The following CYP3A5 variants were observed in gnomAD, a reference collection of about 807,000 sequenced individuals.
The protein encoded by CYP3A5 is cytochrome P450 family 3 subfamily A member 5.
CYP3A5 carries 51 observed loss-of-function variants against 55.9 expected under a neutral mutation model. That is an observed-to-expected ratio of 0.91 (90% CI 0.73 to 1.15). The LOEUF is 1.15. Among genes scored for constraint, CYP3A5 ranks in the 50% most tolerant of loss-of-function variants. CYP3A5 has a pLI of 0.00. For missense variants in CYP3A5, 533 were observed against 596.6 expected, an observed-to-expected ratio of 0.89 and a Z score of 1.11; for synonymous variants, 196 against 213.9, an observed-to-expected ratio of 0.92 and a Z score of 0.73.
intron 1 of CYP3A5, among the ~76,000 whole-genome samples, chr7:99,679,292 G>C (rs1206096380): frequency 6.6e-6 from 1 of 152,100 alleles, no homozygotes; most frequent in Non-Finnish European, 1.5e-5. Context: ...TGAAGTCTTG[G>C]TGTCCCCTGG....
chr7:99,677,333 C>A, intron 1 of CYP3A5: 1 of 778,310 alleles, frequency 1.3e-6, no homozygotes, highest in Non-Finnish European at 1.6e-6. Flanking sequence ...GAGAGGCAAA[C>A]TACAAAAATG....
chr7:99,679,093 C>T (rs1049657134), intron 1 of CYP3A5, among the ~76,000 whole-genome samples: 3 of 152,126 alleles, frequency 2.0e-5, no homozygotes, highest in African/African-American at 7.2e-5. Flanking sequence ...CTCCCAGAGA[C>T]GGGAGGAAAA....
intron 4 of CYP3A5, chr7:99,671,858 G>A: frequency 1.4e-6 from 1 of 702,950 alleles, no homozygotes; most frequent in Non-Finnish European, 2.6e-6. Context: ...GCATCTTGAT[G>A]GTGCTGGTCG....
chr7:99,676,949 C>T (rs956588749), intron 1 of CYP3A5, among the ~76,000 whole-genome samples: 7 of 152,076 alleles, frequency 4.6e-5, no homozygotes, highest in African/African-American at 1.7e-4. Flanking sequence ...TCCATATGTC[C>T]TTGAATGATT....
chr7:99,662,945 AAG>A lies in CYP3A5; in HGVS notation c.799-65_799-64del. ...ACTCGTGAAGTCAGAAGTAAATCAA[AAG>A]TGCAGTCCTCAACCTCCCTTCTTGA... On this transcript the variant is annotated intron_variant, in intron 8 of 12. Transcript: ENST00000222982. The surrounding 1 kb of genome is among the most constrained non-coding windows in gnomAD (Gnocchi z 4.3). 1 of 1,604,834 alleles carries A rather than the reference AAG, an allele frequency of 6.2e-7. No individual in the cohort carries two copies. Among genetic ancestry groups the A allele is most frequent in the African/African-American group, 1.3e-5 (1 of 74,832 alleles).
chr7:99,672,217 A>C (rs1811729930), intron 4 of CYP3A5, among the ~76,000 whole-genome samples: 1 of 151,934 alleles, frequency 6.6e-6, no homozygotes, highest in Non-Finnish European at 1.5e-5. Flanking sequence ...ACACGCAGCT[A>C]ATTTTTGTAT....
rs28371766 is a variant in CYP3A5, at chr7:99,679,821, C to T, written c.71+5G>A. On this transcript the variant is annotated splice_donor_5th_base_variant and intron_variant, in intron 1 of 12. Coordinates refer to ENST00000222982, the MANE Select transcript of CYP3A5 (RefSeq NM_000777.5). ...ACAAAGAGAGGAGTTTGGACAGTTACTCACAGATAGAGGAGCACCAGGCTG... is the reference window on the plus strand; with the variant it reads ...ACAAAGAGAGGAGTTTGGACAGTTATTCACAGATAGAGGAGCACCAGGCTG... The T allele has an allele frequency of 8.0e-4, 1,283 of 1,613,666 alleles. 1 individual carries two copies. Among genetic ancestry groups the T allele is most frequent in the Non-Finnish European group, 8.9e-4 (1,052 of 1,179,756 alleles).
In CYP3A5 at chr7:99,660,499, C is replaced by A; in HGVS notation, c.1026G>T (p.Lys342Asn). The change falls in exon 10 of 13, where the codon AAG becomes AAT. Residue 342 changes from lysine to asparagine, a missense_variant and splice_region_variant. Coordinates refer to ENST00000222982, the MANE Select transcript of CYP3A5 (RefSeq NM_000777.5). ...TCATCTCCAGGGGTCATCCCCTCACCTTATTGGGCAAAACTGCATCAATCT... is the reference window on the plus strand; with the variant it reads ...TCATCTCCAGGGGTCATCCCCTCACATTATTGGGCAAAACTGCATCAATCT... ...QKEIDAVLPN[K>N]APPTYDAVVQ... 6.2e-7 allele frequency: 1 copy of A among 1,609,616 alleles called. No homozygotes were observed. Among genetic ancestry groups the A allele is most frequent in the Non-Finnish European group, 8.5e-7 (1 of 1,177,910 alleles).
At chr7:99,655,463 G>C (rs922372496) in intron 10 of CYP3A5, among the ~76,000 whole-genome samples, 1 of 152,212 alleles carries the variant, frequency 6.6e-6, no homozygotes, top group African/African-American at 2.4e-5. Flanking sequence ...CCAGTACCAT[G>C]CTGTTTTGGT....
rs1388551778 is a variant in CYP3A5, at chr7:99,662,537, G to A, written c.865+279C>T. Reference sequence around the variant, plus strand: ...TCACTTGGTGGATCTGGAGGAGGCTGAGAACTGGCATTTGATCTCATGTAG... The same window carrying A: ...TCACTTGGTGGATCTGGAGGAGGCTAAGAACTGGCATTTGATCTCATGTAG... On this transcript the variant is annotated intron_variant, in intron 9 of 12. Transcript: ENST00000222982. This position sits in a 1 kb window ranked among gnomAD's most constrained non-coding sequence, Gnocchi z 4.3. Among the ~76,000 whole-genome samples the A allele has an allele frequency of 6.6e-6, 1 of 152,190 alleles. No homozygotes were observed. The highest frequency in any genetic ancestry group is 1.5e-5 in the Non-Finnish European group (1 of 68,036).
intron 11 of CYP3A5, among the ~76,000 whole-genome samples, 191 bp from the exon 12 acceptor site, chr7:99,650,423 A>G (rs1373819570): frequency 6.6e-6 from 1 of 152,180 alleles, no homozygotes; most frequent in African/African-American, 2.4e-5. Flanking sequence ...CAGGTCCTTT[A>G]AATTCTCCAT....
intron 5 of CYP3A5, 98 bp downstream of exon 5, chr7:99,666,854 A>T (rs966415061): frequency 1.0e-5 from 16 of 1,584,754 alleles, no homozygotes; most frequent in Non-Finnish European, 1.4e-5. Flanking sequence ...GCTCGAACTC[A>T]GTGGACTACC....
intron 6 of CYP3A5, 68 bp downstream of exon 6, chr7:99,666,533 C>T (rs564026994): frequency 2.0e-5 from 31 of 1,513,032 alleles, no homozygotes; most frequent in East Asian, 9.1e-5. Context: ...GTGCGACTGT[C>T]GACTCCATGG....
intron 11 of CYP3A5, among the ~76,000 whole-genome samples, chr7:99,651,582 C>T (rs963203134): frequency 2.6e-5 from 4 of 152,182 alleles, no homozygotes; most frequent in Admixed American, 1.3e-4. Flanking sequence ...CATGCTAGCA[C>T]TAGGGACACC....
chr7:99,664,216 A>C, intron 7 of CYP3A5, 121 bp from the exon 8 acceptor site: 1 of 894,902 alleles, frequency 1.1e-6, no homozygotes, highest in Non-Finnish European at 1.7e-6. Context: ...ACTGGAACCC[A>C]TTCCTTTTAT....
At chr7:99,671,808 A>G (rs1250831941) in intron 4 of CYP3A5, 3 of 702,942 alleles carry the variant, frequency 4.3e-6, no homozygotes, top group Non-Finnish European at 7.8e-6. Flanking sequence ...TTGTGACTGT[A>G]GGACAGCAGG....
At chr7:99,656,328 A>G (rs909184453) in intron 10 of CYP3A5, among the ~76,000 whole-genome samples, 4 of 152,180 alleles carry the variant, frequency 2.6e-5, no homozygotes, top group African/African-American at 9.7e-5. Flanking sequence ...TTCTGCATCT[A>G]TTGAGATAAT....
intron 1 of CYP3A5, among the ~76,000 whole-genome samples, chr7:99,678,780 T>A (rs1812537313): frequency 1.3e-5 from 2 of 152,250 alleles, no homozygotes; most frequent in African/African-American, 4.8e-5. Context: ...TGTGAAAGAA[T>A]TAAAATGAGG....
At position 99,672,785 on chromosome 7, in the gene CYP3A5, C is replaced by T. The variant is rs545514688; in HGVS notation, c.219-106G>A. 214 of 1,560,940 alleles carry T rather than the reference C, an allele frequency of 1.4e-4. 1 individual carries two copies. The South Asian group carries it at 2.5e-3, about 18-fold the overall frequency. On this transcript the variant is annotated intron_variant, in intron 3 of 12. Coordinates refer to ENST00000222982, the MANE Select transcript of CYP3A5 (RefSeq NM_000777.5). Reference sequence around the variant, plus strand: ...ATCATTATGTTATGTAATCCATACCCCTAGTTGTACGACACACAGCAACCT... The same window carrying T: ...ATCATTATGTTATGTAATCCATACCTCTAGTTGTACGACACACAGCAACCT...
Sources: gnomAD v4.1 joint callset for allele counts (sites outside exome capture counted in the v4.1 genomes callset) on GRCh38, gnomAD v4.1.1 for gene constraint, Gnocchi (gnomAD v3.1) non-coding constraint, MANE v1.5 for transcripts, NCBI Gene and HGNC (gene_info 2026-07-23, HGNC 2026-07-21) for gene names.